Variants in WWOX observed in about 807,000 individuals in gnomAD.
WWOX encodes WW domain containing oxidoreductase.
Under a neutral mutation model 46.2 loss-of-function variants are expected in WWOX, and 69 were observed. That is an observed-to-expected ratio of 1.49 (90% CI 1.23 to 1.82). WWOX has a LOEUF of 1.82. WWOX is among the 40% of genes most tolerant of loss of function. WWOX has a pLI of 0.00. For missense variants in WWOX, 919 were observed against 542.6 expected (o/e 1.69, Z -6.89); for synonymous variants, 359 against 202.6 (o/e 1.77, Z -6.56).
chr16:79,127,656 A>C (rs2049787000), intron 8 of WWOX, among the ~76,000 whole-genome samples: 1 of 152,138 alleles, frequency 6.6e-6, no homozygotes, highest in African/African-American at 2.4e-5. Context: ...CTGAGAGAGT[A>C]TGCACTCCGG....
chr16:78,144,768 A>G (rs1597262945), intron 4 of WWOX, among the ~76,000 whole-genome samples: 1 of 151,350 alleles, frequency 6.6e-6, no homozygotes, highest in Non-Finnish European at 1.5e-5. Flanking sequence ...AAATCCGCCC[A>G]CCTTGGCCTA....
intron 8 of WWOX, among the ~76,000 whole-genome samples, chr16:78,934,662 A>T (rs1304033902): frequency 6.6e-6 from 1 of 152,108 alleles, no homozygotes; most frequent in Non-Finnish European, 1.5e-5. Flanking sequence ...TTTGTGGAGG[A>T]TCTTCAGGAT....
In WWOX at chr16:79,159,935, A is replaced by T. The variant is rs117785185; in HGVS notation, c.1057-51673A>T. On this transcript the variant is annotated intron_variant, in intron 8 of 8. Transcript: ENST00000566780. Reference sequence around the variant, plus strand: ...ATTTGGAGGGGTGATCTGACTCCCAACCCTCCCCAGGTGAAAGCACCGGGA... The same window carrying T: ...ATTTGGAGGGGTGATCTGACTCCCATCCCTCCCCAGGTGAAAGCACCGGGA... Among the ~76,000 whole-genome samples, 104 of 151,776 alleles carry T rather than the reference A, an allele frequency of 6.9e-4. 1 individual carries two copies. In the East Asian group the frequency reaches 0.018, roughly 26 times the overall value.
chr16:78,879,077 G>A (rs1209957111), intron 8 of WWOX, among the ~76,000 whole-genome samples: 2 of 151,858 alleles, frequency 1.3e-5, no homozygotes, highest in East Asian at 1.9e-4. Flanking sequence ...AGGAAGGGAG[G>A]GAAGGAGGAA....
At chr16:78,931,031 T>C (rs1179627686) in intron 8 of WWOX, among the ~76,000 whole-genome samples, 1 of 152,188 alleles carries the variant, frequency 6.6e-6, no homozygotes, top group Non-Finnish European at 1.5e-5. Flanking sequence ...ACACCTGATG[T>C]GAGTATCACA....
intron 8 of WWOX, among the ~76,000 whole-genome samples, chr16:78,512,740 G>A (rs1193834779): frequency 6.6e-6 from 1 of 152,178 alleles, no homozygotes; most frequent in Non-Finnish European, 1.5e-5. Flanking sequence ...ACTTGCACTA[G>A]TGATGCTAAA....
At chr16:79,197,204 C>G (rs1049680245) in intron 8 of WWOX, among the ~76,000 whole-genome samples, 3 of 152,264 alleles carry the variant, frequency 2.0e-5, no homozygotes, top group Non-Finnish European at 2.9e-5. Flanking sequence ...TATACATTCC[C>G]ACAGTGCCTA....
intron 4 of WWOX, among the ~76,000 whole-genome samples, chr16:78,133,169 A>G (rs1259354676): frequency 2.0e-5 from 3 of 152,234 alleles, no homozygotes; most frequent in Non-Finnish European, 2.9e-5. Flanking sequence ...GAAGAATTTA[A>G]TCATATTTAA....
chr16:78,702,007 T>TTACA (rs1491150899), intron 8 of WWOX, among the ~76,000 whole-genome samples: 1 of 57,630 alleles, frequency 1.7e-5, no homozygotes, highest in Non-Finnish European at 3.1e-5. Context: ...CTACATAAAA[T>TTACA]TATATATATA....
intron 8 of WWOX, among the ~76,000 whole-genome samples, chr16:79,168,708 G>A (rs190589353): frequency 3.3e-5 from 5 of 152,264 alleles, no homozygotes; most frequent in Admixed American, 3.3e-4. Context: ...CCTCAGGGAA[G>A]AGGAGGAAAG....
intron 1 of WWOX, among the ~76,000 whole-genome samples, chr16:78,101,469 C>T (rs2031784934): frequency 1.3e-5 from 2 of 151,180 alleles, no homozygotes; most frequent in Non-Finnish European, 1.5e-5. Flanking sequence ...GTCTCAGCCT[C>T]CCGAATAGCT....
intron 8 of WWOX, among the ~76,000 whole-genome samples, chr16:78,885,755 C>G (rs944047209): frequency 1.3e-5 from 2 of 151,572 alleles, no homozygotes; most frequent in African/African-American, 4.8e-5. Flanking sequence ...TTTTTTTTAA[C>G]TGATAGTTTG....
intron 8 of WWOX, among the ~76,000 whole-genome samples, chr16:78,960,391 C>T (rs766552056): frequency 3.3e-5 from 5 of 152,158 alleles, no homozygotes; most frequent in African/African-American, 9.7e-5. Context: ...ACTACCTGTC[C>T]TTCAGCCATC....
chr16:78,632,887 C>T (rs1339639917), intron 8 of WWOX, among the ~76,000 whole-genome samples: 1 of 151,952 alleles, frequency 6.6e-6, no homozygotes, highest in East Asian at 2.0e-4. Context: ...CTGATCGCCT[C>T]TCCACCCCTG....
At chr16:78,111,684 G>T in intron 3 of WWOX, 1 of 153,744 alleles carries the variant, frequency 6.5e-6, no homozygotes, top group South Asian at 2.0e-4. Flanking sequence ...CCCTCCCTGT[G>T]GTGCTGTGTT....
intron 1 of WWOX, among the ~76,000 whole-genome samples, chr16:78,106,737 A>G (rs529931877): frequency 1.8e-4 from 27 of 152,128 alleles, no homozygotes; most frequent in African/African-American, 6.5e-4. Context: ...TTTTTTTGCA[A>G]GTGATATTGG....
chr16:78,763,208 G>T (rs2049837482), intron 8 of WWOX, among the ~76,000 whole-genome samples: 1 of 152,196 alleles, frequency 6.6e-6, no homozygotes, highest in African/African-American at 2.4e-5. Context: ...CTTGATCTGT[G>T]TTTATTACAA....
intron 8 of WWOX, among the ~76,000 whole-genome samples, chr16:78,539,477 G>C (rs571852667): frequency 6.6e-6 from 1 of 152,308 alleles, no homozygotes; most frequent in Admixed American, 6.5e-5. Context: ...AAGCAATTCT[G>C]CATCGATAAA....
chr16:78,654,881 T>TG (rs1182936760), intron 8 of WWOX, among the ~76,000 whole-genome samples: 10 of 152,136 alleles, frequency 6.6e-5, no homozygotes, highest in Non-Finnish European at 1.3e-4. Context: ...TTTTTCTTGG[T>TG]GGGGGGGATG....
Sources: gnomAD v4.1 joint callset for allele counts (sites outside exome capture counted in the v4.1 genomes callset) on GRCh38, gnomAD v4.1.1 for gene constraint, MANE v1.5 for transcripts, NCBI Gene and HGNC (gene_info 2026-07-23, HGNC 2026-07-21) for gene names.